RIMS2: variants seen among roughly 807,000 people sequenced by gnomAD.
RIMS2 encodes regulating synaptic membrane exocytosis 2, also known as regulating synaptic membrane exocytosis protein 2.
In RIMS2, 59 loss-of-function variants were observed where a neutral mutation model predicts 174.4. The ratio of observed to expected loss-of-function variants is 0.34; its 90% CI spans 0.27 to 0.42. The LOEUF is 0.42. Among genes scored for constraint, RIMS2 ranks in the 10% least tolerant of loss-of-function variants. RIMS2 has a pLI of 1.00. For synonymous variants in RIMS2, 606 were observed against 572.5 expected (o/e 1.06, Z -0.84); for missense variants, 1,620 against 1,666.3 (o/e 0.97, Z 0.48).
chr8:103,638,239 A>G, intron 1 of RIMS2, among the ~76,000 whole-genome samples: 1 of 152,162 alleles, frequency 6.6e-6, no homozygotes, highest in East Asian at 1.9e-4. Context: ...AATAATTTTT[A>G]GACATCAAAA....
chr8:103,940,701 A>C (rs6468899), intron 13 of RIMS2, among the ~76,000 whole-genome samples: 104,484 of 151,678 alleles, frequency 0.69, 36,895 homozygotes, highest in African/African-American at 0.77. Flanking sequence ...TGTGGCAAAA[A>C]CCTGTCTCTA....
chr8:104,148,789 T>G, intron 19 of RIMS2: 1 of 1,598,392 alleles, frequency 6.3e-7, no homozygotes, highest in Non-Finnish European at 8.5e-7. Flanking sequence ...GGTGCCAAAA[T>G]GGTAGCTATC....
intron 3 of RIMS2, among the ~76,000 whole-genome samples, chr8:103,863,924 T>G (rs141533638): frequency 1.7e-3 from 255 of 151,942 alleles, no homozygotes; most frequent in East Asian, 7.2e-3. Flanking sequence ...TTGTTTGTTT[T>G]TTTTGATGGA....
chr8:103,625,456 A>G (rs2095759168), intron 1 of RIMS2, among the ~76,000 whole-genome samples: 1 of 152,206 alleles, frequency 6.6e-6, no homozygotes, highest in Non-Finnish European at 1.5e-5. Context: ...TATTCATACA[A>G]TAGCATAAAA....
intron 2 of RIMS2, among the ~76,000 whole-genome samples, chr8:103,763,409 C>T (rs1324020386): frequency 6.7e-6 from 1 of 150,204 alleles, no homozygotes; most frequent in East Asian, 2.0e-4. Context: ...GAACTCCAGC[C>T]TAGGTGACAA....
intron 3 of RIMS2, among the ~76,000 whole-genome samples, chr8:103,801,901 C>T (rs2098610667): frequency 6.6e-6 from 1 of 152,038 alleles, no homozygotes; most frequent in Admixed American, 6.5e-5. Context: ...GAGCAAGACA[C>T]TACTTATTAC....
intron 1 of RIMS2, among the ~76,000 whole-genome samples, chr8:103,604,540 G>A (rs367576581): frequency 8.7e-5 from 13 of 149,896 alleles, no homozygotes; most frequent in South Asian, 6.4e-4. Flanking sequence ...GTGAAGAAAG[G>A]CATTGGTAGC....
At chr8:103,750,675 C>A (rs2097877258) in intron 2 of RIMS2, among the ~76,000 whole-genome samples, 1 of 152,030 alleles carries the variant, frequency 6.6e-6, no homozygotes, top group African/African-American at 2.4e-5. Context: ...CTCAGGAGAT[C>A]TGATGGTTTT....
chr8:104,024,423 T>A (rs898103827), intron 19 of RIMS2, among the ~76,000 whole-genome samples: 1 of 152,194 alleles, frequency 6.6e-6, no homozygotes, highest in African/African-American at 2.4e-5. Context: ...TCAATCCACA[T>A]AGCAGCAGAT....
intron 19 of RIMS2, among the ~76,000 whole-genome samples, chr8:104,096,597 C>T (rs893455389): frequency 3.9e-5 from 6 of 151,986 alleles, no homozygotes; most frequent in African/African-American, 1.2e-4. Context: ...GGGCCGGGTG[C>T]GATGGCTCAC....
At position 103,784,695 on chromosome 8, in the gene RIMS2, GGTAGT is replaced by G. The variant is rs1169659560; in HGVS notation, c.698+18161_698+18165del. ...AGCCTTGTAGTATAGTTTGAAGTCAGGTAGTGTGATGCCTCCAGCTTTGTTCTTTT... is the reference window on the plus strand; with the variant it reads ...AGCCTTGTAGTATAGTTTGAAGTCAGGTGATGCCTCCAGCTTTGTTCTTTT... On this transcript the variant is annotated intron_variant, in intron 3 of 23. Transcript: ENST00000504942. 1.5e-4 allele frequency among the ~76,000 whole-genome samples: 8 copies of G among 53,648 alleles called. No individual in the cohort carries two copies. In the South Asian group the frequency reaches 4.5e-3, roughly 30 times the overall value. The allele number at this position is 53,648 out of a possible 152,430, so 35.2% of individuals were successfully genotyped here.
rs71297262 is a variant in RIMS2 at position 104,173,613 on chromosome 8, A to ATTTTTTTTTTTTTTTTTTTTTTTTTTTTT, written c.3335-71298_3335-71270dup. 5.5e-5 allele frequency among the ~76,000 whole-genome samples: 3 copies of ATTTTTTTTTTTTTTTTTTTTTTTTTTTTT among 54,236 alleles called. 1 individual carries two copies. Among genetic ancestry groups the ATTTTTTTTTTTTTTTTTTTTTTTTTTTTT allele is most frequent in the East Asian group, 6.4e-4 (1 of 1,552 alleles). 35.6% of individuals were successfully genotyped at this position (54,236 alleles called of 152,430 possible). On this transcript the variant is annotated intron_variant, in intron 19 of 23. Transcript: ENST00000504942. Reference sequence around the variant, plus strand: ...AATATTTACTACCTTAGCTCTTCTGATTTTTTTTTTTTTTTTTTTTTTTTT... The same window carrying ATTTTTTTTTTTTTTTTTTTTTTTTTTTTT: ...AATATTTACTACCTTAGCTCTTCTGATTTTTTTTTTTTTTTTTTTTTTTTTTTTTTTTTTTTTTTTTTTTTTTTTTTTTT...
downstream of RIMS2, chr8:104,254,536 C>T (rs1356088928): frequency 6.6e-6 from 1 of 152,218 alleles, no homozygotes. Flanking sequence ...CCGTCTCCTA[C>T]TTCTCGATAA....
At chr8:103,847,455 T>A (rs1436408300) in intron 3 of RIMS2, among the ~76,000 whole-genome samples, 1 of 152,094 alleles carries the variant, frequency 6.6e-6, no homozygotes, top group East Asian at 1.9e-4. Context: ...GATCAGTGGA[T>A]CTCATAATTA....
intron 6 of RIMS2, among the ~76,000 whole-genome samples, chr8:103,912,623 GTGTGCA>G (rs1225694611): frequency 6.6e-6 from 1 of 152,068 alleles, no homozygotes; most frequent in East Asian, 1.9e-4. Flanking sequence ...TAAAATGTGT[GTGTGCA>G]TGTGTATGTG....
intron 13 of RIMS2, among the ~76,000 whole-genome samples, chr8:103,937,391 C>A (rs1028889391): frequency 6.6e-6 from 1 of 152,278 alleles, no homozygotes; most frequent in South Asian, 2.1e-4. Flanking sequence ...GACTGTACCA[C>A]TAATAAGTAG....
intron 1 of RIMS2, among the ~76,000 whole-genome samples, chr8:103,622,422 G>A (rs1295939762): frequency 6.6e-6 from 1 of 151,834 alleles, no homozygotes; most frequent in Non-Finnish European, 1.5e-5. Flanking sequence ...ACATAAAAAT[G>A]TTACTAGTAT....
At position 104,216,762 on chromosome 8, in the gene RIMS2, G is replaced by A. The variant is rs566658096; in HGVS notation, c.3335-28154G>A. 2.5e-4 allele frequency among the ~76,000 whole-genome samples: 38 copies of A among 152,314 alleles called. No individual in the cohort carries two copies. In the South Asian group the frequency reaches 3.1e-3, roughly 12 times the overall value. On this transcript the variant is annotated intron_variant, in intron 19 of 23. Transcript: ENST00000504942. ...GTGTTAGCCACTATTCCACTACAGC[G>A]TGAGCTTCATGAAGGTAGAGGAGGA... is the stretch of plus-strand genomic sequence containing the variant.
chr8:103,727,301 G>T (rs1176682), intron 2 of RIMS2, among the ~76,000 whole-genome samples: 110,759 of 152,012 alleles, frequency 0.73, 41,051 homozygotes, highest in East Asian at 0.88. Flanking sequence ...TTCAGAATAG[G>T]GTGAAATAAT....
Sources: gnomAD v4.1 joint callset for allele counts (sites outside exome capture counted in the v4.1 genomes callset) on GRCh38, gnomAD v4.1.1 for gene constraint, MANE v1.5 for transcripts, NCBI Gene and HGNC (gene_info 2026-07-23, HGNC 2026-07-21) for gene names.